SLC2A9: variants seen among roughly 807,000 people sequenced by gnomAD.
SLC2A9 encodes solute carrier family 2, facilitated glucose transporter member 9.
SLC2A9 carries 39 observed loss-of-function variants against 50.6 expected under a neutral mutation model. That is an observed-to-expected ratio of 0.77 (90% CI 0.60 to 1.01). The LOEUF (loss-of-function observed/expected upper bound fraction) is 1.01. Ranked by LOEUF, SLC2A9 falls within the 50% of genes least tolerant of loss-of-function variation. SLC2A9 has a pLI of 0.00. For synonymous variants in SLC2A9, 324 were observed against 276.9 expected, an observed-to-expected ratio of 1.17 and a Z score of -1.69; for missense variants, 686 against 677.6, an observed-to-expected ratio of 1.01 and a Z score of -0.14.
At chr4:9,945,353 G>T (rs1175027523) in intron 5 of SLC2A9, among the ~76,000 whole-genome samples, 1 of 152,240 alleles carries the variant, frequency 6.6e-6, no homozygotes, top group Non-Finnish European at 1.5e-5. Flanking sequence ...ATGAATGGAT[G>T]TCGGGAGTGC....
At chr4:9,817,924 T>G (rs1277026827) in intron 3 of SLC2A9, among the ~76,000 whole-genome samples, 2 of 152,190 alleles carry the variant, frequency 1.3e-5, no homozygotes, top group African/African-American at 4.8e-5. Flanking sequence ...TTGCTGGTGT[T>G]TGGCAGGGCA....
intron 3 of SLC2A9, among the ~76,000 whole-genome samples, chr4:9,817,360 G>T (rs2109022904): frequency 6.6e-6 from 1 of 152,276 alleles, no homozygotes; most frequent in Non-Finnish European, 1.5e-5. Context: ...ATCAATGTTT[G>T]TCAGGCACCT....
At chr4:9,845,879 T>C (rs1356935450) in intron 10 of SLC2A9, among the ~76,000 whole-genome samples, 1 of 152,222 alleles carries the variant, frequency 6.6e-6, no homozygotes, top group Non-Finnish European at 1.5e-5. Context: ...TGAAATACAG[T>C]CATTTTGAAA....
rs564813260 is a variant in SLC2A9 at position 9,990,857 on chromosome 4, G to C, written c.411-5064C>G. On this transcript the variant is annotated intron_variant, in intron 3 of 11. Transcript: ENST00000264784. ...CATTCTCACTATGCTTAGAAGACTA[G>C]TCAAGTCTTCTAAGGCTGGGAGAAG... Among the ~76,000 whole-genome samples, 8 of 152,302 alleles carry C rather than the reference G, an allele frequency of 5.3e-5. No homozygotes were observed. In the South Asian group the frequency reaches 1.5e-3, roughly 28 times the overall value.
intron 3 of SLC2A9, among the ~76,000 whole-genome samples, chr4:9,811,869 G>T (rs1033571113): frequency 1.2e-4 from 18 of 152,040 alleles, no homozygotes; most frequent in African/African-American, 4.3e-4. Context: ...AGAAACTGAA[G>T]AATAAAACCA....
At chr4:10,009,697 C>G (rs3796837) in intron 2 of SLC2A9, 83,433 of 152,064 alleles carry the variant, frequency 0.55, 23,811 homozygotes, top group East Asian at 0.89. Context: ...AGTATTATTT[C>G]TGTGGCTGCC....
intron 11 of SLC2A9, among the ~76,000 whole-genome samples, chr4:9,831,101 T>C (rs1196285032): frequency 1.3e-5 from 2 of 152,160 alleles, no homozygotes; most frequent in Non-Finnish European, 2.9e-5. Flanking sequence ...CCCAGGCTTC[T>C]TAGGGGTCTG....
At chr4:9,948,234 C>G (rs1254302561) in intron 5 of SLC2A9, among the ~76,000 whole-genome samples, 2 of 152,178 alleles carry the variant, frequency 1.3e-5, no homozygotes, top group African/African-American at 4.8e-5. Context: ...CACACACATC[C>G]CCCGGGTAGT....
chr4:9,798,100 G>C (rs1168067337), downstream of SLC2A9, among the ~76,000 whole-genome samples: 1 of 152,194 alleles, frequency 6.6e-6, no homozygotes, highest in African/African-American at 2.4e-5. Flanking sequence ...TTGGTCCTTT[G>C]GAGGGATTTT....
At chr4:9,986,221 A>G (rs1362619050) in intron 3 of SLC2A9, among the ~76,000 whole-genome samples, 1 of 152,182 alleles carries the variant, frequency 6.6e-6, no homozygotes, top group African/African-American at 2.4e-5. Flanking sequence ...AGACCTCTGA[A>G]GAAGGGGTGT....
At chr4:9,776,879 C>T (rs139180190), downstream of SLC2A9, among the ~76,000 whole-genome samples, 190 of 152,284 alleles carry the variant, frequency 1.2e-3, 3 homozygotes, top group South Asian at 0.015. Context: ...GGCTCACCTC[C>T]TCTGTCTCAT....
chr4:9,948,805 T>C (rs534501647), intron 5 of SLC2A9, among the ~76,000 whole-genome samples: 135 of 152,294 alleles, frequency 8.9e-4, no homozygotes, highest in African/African-American at 3.0e-3. Context: ...CTGAGCTCAT[T>C]CTCCAATCAG....
At chr4:9,989,077 T>A (rs1220152785) in intron 3 of SLC2A9, among the ~76,000 whole-genome samples, 2 of 152,218 alleles carry the variant, frequency 1.3e-5, no homozygotes, top group Non-Finnish European at 2.9e-5. Context: ...TAAGCCAAGA[T>A]CATGCCTTGT....
chr4:9,977,073 T>C (rs1754923107), intron 5 of SLC2A9, among the ~76,000 whole-genome samples: 1 of 152,158 alleles, frequency 6.6e-6, no homozygotes, highest in Admixed American at 6.5e-5. Flanking sequence ...ACCCAACTCA[T>C]AACTGGACCA....
At chr4:9,868,789 A>G (rs1465130676) in intron 10 of SLC2A9, among the ~76,000 whole-genome samples, 1 of 152,142 alleles carries the variant, frequency 6.6e-6, no homozygotes, top group Non-Finnish European at 1.5e-5. Context: ...TTGGAACATA[A>G]TGTTTATTTT....
At chr4:9,919,945 C>G (rs1224077946) in intron 7 of SLC2A9, among the ~76,000 whole-genome samples, 1 of 152,074 alleles carries the variant, frequency 6.6e-6, no homozygotes, top group Non-Finnish European at 1.5e-5. Context: ...AGCTCAAGCC[C>G]CAGAACATTT....
intron 3 of SLC2A9, among the ~76,000 whole-genome samples, chr4:9,799,879 G>T (rs970911613): frequency 6.6e-6 from 1 of 152,170 alleles, no homozygotes; most frequent in African/African-American, 2.4e-5. Flanking sequence ...GGGTTGGAAA[G>T]ATGGTAATCT....
intron 5 of SLC2A9, among the ~76,000 whole-genome samples, chr4:9,964,373 C>T (rs893077320): frequency 2.2e-4 from 34 of 152,156 alleles, no homozygotes; most frequent in Non-Finnish European, 4.0e-4. Flanking sequence ...GTGAGGGACT[C>T]TGAAGTGGCA....
intron 10 of SLC2A9, among the ~76,000 whole-genome samples, chr4:9,875,957 T>A (rs1734253666): frequency 6.6e-6 from 1 of 152,208 alleles, no homozygotes; most frequent in Admixed American, 6.5e-5. Flanking sequence ...CAAGAGCACA[T>A]CACATTGTTG....
Sources: gnomAD v4.1 joint callset for allele counts (sites outside exome capture counted in the v4.1 genomes callset) on GRCh38, gnomAD v4.1.1 for gene constraint, MANE v1.5 for transcripts, NCBI Gene and HGNC (gene_info 2026-07-23, HGNC 2026-07-21) for gene names.